Variants in CAPZB observed in about 807,000 individuals in gnomAD.
The protein encoded by CAPZB is F-actin-capping protein subunit beta.
CAPZB carries 2 observed loss-of-function variants against 38.1 expected under a neutral mutation model. That is an observed-to-expected ratio of 0.05 (90% CI 0.02 to 0.17). The LOEUF is 0.17. Ranked by LOEUF, CAPZB falls within the 10% of genes least tolerant of loss-of-function variation. CAPZB has a pLI of 1.00. For missense variants in CAPZB, 161 were observed against 334.2 expected (o/e 0.48, Z 4.04); for synonymous variants, 107 against 127.4 (o/e 0.84, Z 1.08).
At chr1:19,436,922 G>C (rs547991570) in intron 1 of CAPZB, among the ~76,000 whole-genome samples, 21 of 152,234 alleles carry the variant, frequency 1.4e-4, no homozygotes, top group Non-Finnish European at 2.5e-4. Flanking sequence ...CCGCAGTGTG[G>C]CTGGGACTGC....
chr1:19,417,887 A>C (rs541650683), intron 2 of CAPZB, among the ~76,000 whole-genome samples: 13 of 152,284 alleles, frequency 8.5e-5, no homozygotes, highest in African/African-American at 3.1e-4. Context: ...CTGTAATCCC[A>C]GCACTTTGGG....
chr1:19,475,534 C>A (rs555313085), intron 1 of CAPZB, among the ~76,000 whole-genome samples: 1 of 152,240 alleles, frequency 6.6e-6, no homozygotes, highest in Non-Finnish European at 1.5e-5. Flanking sequence ...GCAGCAGAAC[C>A]GCTCAAGAGA....
intron 1 of CAPZB, chr1:19,484,450 C>G (rs1368789717): frequency 6.7e-7 from 1 of 1,485,626 alleles, no homozygotes; most frequent in Non-Finnish European, 9.0e-7. Context: ...ATGCTTCGCA[C>G]GCACAGCACC....
At chr1:19,462,155 A>T (rs2094553816) in intron 1 of CAPZB, among the ~76,000 whole-genome samples, 1 of 145,806 alleles carries the variant, frequency 6.9e-6, no homozygotes, top group African/African-American at 2.5e-5. Flanking sequence ...CCATCTCTTT[A>T]AAAAAAAAAA....
intron 2 of CAPZB, among the ~76,000 whole-genome samples, chr1:19,396,505 C>G (rs575678191): frequency 1.3e-5 from 2 of 152,284 alleles, no homozygotes; most frequent in Non-Finnish European, 2.9e-5. Context: ...GTGGAGCTGC[C>G]GCTGCCCCTC....
At chr1:19,402,968 G>GA (rs2094311160) in intron 2 of CAPZB, among the ~76,000 whole-genome samples, 1 of 152,134 alleles carries the variant, frequency 6.6e-6, no homozygotes, top group African/African-American at 2.4e-5. Flanking sequence ...AGAATTGCTT[G>GA]AACCAGGGAG....
At chr1:19,460,447 T>C (rs1160042608) in intron 1 of CAPZB, among the ~76,000 whole-genome samples, 3 of 152,170 alleles carry the variant, frequency 2.0e-5, no homozygotes, top group Non-Finnish European at 4.4e-5. Context: ...CGGCTAATTT[T>C]TTGTATTTTT....
intron 3 of CAPZB, among the ~76,000 whole-genome samples, chr1:19,384,107 C>T (rs72955291): frequency 0.013 from 1,906 of 152,306 alleles, 38 homozygotes; most frequent in African/African-American, 0.043. Context: ...AATGTCTGTG[C>T]CATTCAACAT....
chr1:19,377,350 T>C (rs2094149450), intron 4 of CAPZB, among the ~76,000 whole-genome samples: 1 of 152,196 alleles, frequency 6.6e-6, no homozygotes, highest in Non-Finnish European at 1.5e-5. Context: ...AAATTCTAGC[T>C]TTTCACCTCC....
intron 1 of CAPZB, among the ~76,000 whole-genome samples, chr1:19,459,607 C>T (rs78520150): frequency 1.3e-5 from 2 of 152,050 alleles, no homozygotes; most frequent in African/African-American, 2.4e-5. Flanking sequence ...CACTGTGGGC[C>T]GGGCACTGTG....
intron 2 of CAPZB, among the ~76,000 whole-genome samples, chr1:19,417,160 C>T (rs1570200310): frequency 2.0e-5 from 3 of 152,156 alleles, no homozygotes. Context: ...GCTACATGCA[C>T]ATCCCTGAAA....
At chr1:19,444,402 C>G (rs1238233357) in intron 1 of CAPZB, among the ~76,000 whole-genome samples, 1 of 152,178 alleles carries the variant, frequency 6.6e-6, no homozygotes, top group African/African-American at 2.4e-5. Flanking sequence ...ACTCTAGGGT[C>G]CAACCCTCTT....
intron 6 of CAPZB, among the ~76,000 whole-genome samples, chr1:19,349,776 G>A (rs557825936): frequency 8.1e-4 from 124 of 152,190 alleles, no homozygotes; most frequent in African/African-American, 2.9e-3. Context: ...GCAGCGGCTG[G>A]GGAGGGAAGG....
intron 6 of CAPZB, among the ~76,000 whole-genome samples, chr1:19,347,714 G>A (rs2093969620): frequency 6.6e-6 from 1 of 152,186 alleles, no homozygotes; most frequent in Non-Finnish European, 1.5e-5. Flanking sequence ...GGTTAATACG[G>A]AACCCGGAAA....
At chr1:19,462,358 T>C (rs905973521) in intron 1 of CAPZB, among the ~76,000 whole-genome samples, 4 of 151,508 alleles carry the variant, frequency 2.6e-5, no homozygotes, top group Non-Finnish European at 5.9e-5. Context: ...CTCAGGAGGC[T>C]GAGGCAGGAG....
intron 2 of CAPZB, among the ~76,000 whole-genome samples, chr1:19,400,442 T>G (rs1474401143): frequency 6.6e-6 from 1 of 152,158 alleles, no homozygotes; most frequent in Non-Finnish European, 1.5e-5. Context: ...TTAACCTGTT[T>G]CCAAAACCAG....
At chr1:19,416,176 T>C (rs1266139435) in intron 2 of CAPZB, among the ~76,000 whole-genome samples, 1 of 152,248 alleles carries the variant, frequency 6.6e-6, no homozygotes. Context: ...GCTTTTAAAT[T>C]ATGTGAATTT....
chr1:19,398,722 A>AG (rs1270444967), intron 2 of CAPZB, among the ~76,000 whole-genome samples: 2 of 151,988 alleles, frequency 1.3e-5, no homozygotes, highest in Non-Finnish European at 1.5e-5. Flanking sequence ...GGACATCTCC[A>AG]GGGGGCCACA....
At chr1:19,360,465 A>G (rs965378244) in intron 4 of CAPZB, among the ~76,000 whole-genome samples, 1 of 152,174 alleles carries the variant, frequency 6.6e-6, no homozygotes, top group African/African-American at 2.4e-5. Context: ...ATCCATGCAG[A>G]GCTGCGGTGC....
Sources: allele counts gnomAD v4.1 joint callset (sites outside exome capture counted in the v4.1 genomes callset), GRCh38; gene constraint gnomAD v4.1.1; transcripts MANE v1.5; gene names NCBI Gene and HGNC (gene_info 2026-07-23, HGNC 2026-07-21).